JPH3: variants seen among roughly 807,000 people sequenced by gnomAD.
JPH3 encodes junctophilin 3, also known as junctophilin-3.
JPH3 carries 11 observed loss-of-function variants against 59.6 expected under a neutral mutation model. That is an observed-to-expected ratio of 0.18 (90% CI 0.12 to 0.31). The LOEUF (loss-of-function observed/expected upper bound fraction) is 0.31. Among genes scored for constraint, JPH3 ranks in the 10% least tolerant of loss-of-function variants. JPH3 has a pLI of 1.00. For missense variants in JPH3, 1,202 were observed against 1,105.7 expected (o/e 1.09, Z -1.24); for synonymous variants, 673 against 483.6 (o/e 1.39, Z -5.14).
intron 2 of JPH3, among the ~76,000 whole-genome samples, chr16:87,647,612 A>G (rs548980711): frequency 6.6e-6 from 1 of 152,238 alleles, no homozygotes; most frequent in African/African-American, 2.4e-5. Flanking sequence ...CTGCTTCCGC[A>G]TGCGCACAAC....
intron 2 of JPH3, among the ~76,000 whole-genome samples, chr16:87,674,506 C>T (rs953076351): frequency 6.6e-6 from 1 of 152,140 alleles, no homozygotes; most frequent in African/African-American, 2.4e-5. Flanking sequence ...AACAGGGACA[C>T]CCATGACAGA....
At chr16:87,677,404 A>G (rs2033179562) in intron 2 of JPH3, among the ~76,000 whole-genome samples, 1 of 152,010 alleles carries the variant, frequency 6.6e-6, no homozygotes, top group Non-Finnish European at 1.5e-5. Context: ...AAAATAAATG[A>G]TATCTCAATA....
At chr16:87,630,619 T>C (rs75351706) in intron 1 of JPH3, among the ~76,000 whole-genome samples, 3,603 of 151,362 alleles carry the variant, frequency 0.024, 135 homozygotes, top group African/African-American at 0.083. Context: ...CCCTCCTCCT[T>C]AAAATTTTTA....
intron 2 of JPH3, among the ~76,000 whole-genome samples, chr16:87,655,541 A>T (rs543477875): frequency 6.6e-6 from 1 of 152,144 alleles, no homozygotes; most frequent in East Asian, 1.9e-4. Flanking sequence ...TCTTGTAGAG[A>T]TGGGGTCTCA....
At chr16:87,631,455 G>T (rs1008442069) in intron 1 of JPH3, among the ~76,000 whole-genome samples, 11 of 152,304 alleles carry the variant, frequency 7.2e-5, no homozygotes, top group African/African-American at 2.4e-4. Flanking sequence ...CTCTTGAGAA[G>T]CCCATGCTGT....
intron 1 of JPH3, among the ~76,000 whole-genome samples, chr16:87,618,547 C>G (rs1017041192): frequency 2.0e-5 from 3 of 152,216 alleles, no homozygotes; most frequent in Admixed American, 6.5e-5. Context: ...GACAGACTGA[C>G]AGTGTTCGGC....
At chr16:87,676,775 C>A (rs1410777112) in intron 2 of JPH3, among the ~76,000 whole-genome samples, 7 of 150,534 alleles carry the variant, frequency 4.7e-5, no homozygotes, top group African/African-American at 1.7e-4. Flanking sequence ...GTGGCTCACA[C>A]CTGTAATCTC....
intron 2 of JPH3, among the ~76,000 whole-genome samples, chr16:87,666,025 C>T (rs1001968874): frequency 5.3e-5 from 8 of 152,138 alleles, no homozygotes; most frequent in African/African-American, 1.9e-4. Flanking sequence ...GGCAGATCAG[C>T]AAATGGTAGT....
intron 1 of JPH3, among the ~76,000 whole-genome samples, chr16:87,636,072 C>A (rs1430396639): frequency 2.0e-5 from 3 of 152,252 alleles, no homozygotes; most frequent in Non-Finnish European, 4.4e-5. Flanking sequence ...TGCGGGGCAG[C>A]TTTGTCCCCC....
chr16:87,638,496 G>T (rs1432653660), intron 1 of JPH3, among the ~76,000 whole-genome samples: 1 of 152,166 alleles, frequency 6.6e-6, no homozygotes, highest in African/African-American at 2.4e-5. Context: ...AGCACTTGAA[G>T]GGGCGGCCTC....
chr16:87,636,354 T>C (rs2150838975), intron 1 of JPH3, among the ~76,000 whole-genome samples: 1 of 152,286 alleles, frequency 6.6e-6, no homozygotes, highest in African/African-American at 2.4e-5. Flanking sequence ...AGCCCAGACT[T>C]TTTGTTTACT....
At chr16:87,689,243 C>G (rs572497210) in intron 3 of JPH3, among the ~76,000 whole-genome samples, 1 of 152,100 alleles carries the variant, frequency 6.6e-6, no homozygotes, top group Non-Finnish European at 1.5e-5. Flanking sequence ...TGTGACAGCT[C>G]GGCCTCCCCA....
At chr16:87,668,923 C>T (rs1007982917) in intron 2 of JPH3, among the ~76,000 whole-genome samples, 1 of 152,166 alleles carries the variant, frequency 6.6e-6, no homozygotes, top group African/African-American at 2.4e-5. Flanking sequence ...TGGATCTCCT[C>T]TCCCTCGCCT....
chr16:87,648,650 G>A (rs1267383972), intron 2 of JPH3, among the ~76,000 whole-genome samples: 1 of 152,162 alleles, frequency 6.6e-6, no homozygotes, highest in Non-Finnish European at 1.5e-5. Flanking sequence ...AAGGGGACTG[G>A]CCCCGGCCCT....
At chr16:87,655,474 C>T (rs988352248) in intron 2 of JPH3, among the ~76,000 whole-genome samples, 2 of 152,192 alleles carry the variant, frequency 1.3e-5, no homozygotes, top group Non-Finnish European at 1.5e-5. Context: ...CCACCTCAGC[C>T]TCCTGAGTAG....
chr16:87,696,820 C>T lies in JPH3; in HGVS notation c.*160C>T. The T allele has an allele frequency of 1.6e-6, 1 of 644,628 alleles. No homozygotes were observed. Among genetic ancestry groups the T allele is most frequent in the South Asian group, 1.9e-5 (1 of 53,960 alleles). 39.9% of individuals were successfully genotyped at this position (644,628 alleles called of 1,614,324 possible). On this transcript the variant is annotated 3_prime_UTR_variant, in exon 5 of 5. Transcript: ENST00000284262. ...ACGATTGGGTATCACTCACAGTTTG[C>T]CTTTTTTTCTGGGTAATGTTTTTTG...
intron 2 of JPH3, among the ~76,000 whole-genome samples, chr16:87,670,012 G>A (rs2032973508): frequency 6.6e-6 from 1 of 152,122 alleles, no homozygotes; most frequent in African/African-American, 2.4e-5. Flanking sequence ...CGAGGCTGTG[G>A]GAGCTCTGCC....
intron 2 of JPH3, among the ~76,000 whole-genome samples, chr16:87,678,837 A>G (rs1388906678): frequency 1.3e-5 from 2 of 152,218 alleles, no homozygotes; most frequent in African/African-American, 4.8e-5. Flanking sequence ...GAGTAAGGCC[A>G]CCACGAGCCT....
intron 2 of JPH3, among the ~76,000 whole-genome samples, chr16:87,671,567 C>G (rs1330205496): frequency 6.6e-6 from 1 of 151,276 alleles, no homozygotes; most frequent in South Asian, 2.1e-4. Context: ...ACCCACACAA[C>G]CCTTGTACCC....
Sources: allele counts gnomAD v4.1 joint callset (sites outside exome capture counted in the v4.1 genomes callset), GRCh38; gene constraint gnomAD v4.1.1; transcripts MANE v1.5; gene names NCBI Gene and HGNC (gene_info 2026-07-23, HGNC 2026-07-21).